SPAG16: variants seen among roughly 807,000 people sequenced by gnomAD.
The protein encoded by SPAG16 is sperm-associated antigen 16 protein.
A neutral mutation model predicts 80.4 loss-of-function variants in SPAG16; 86 were observed. The observed-to-expected ratio is 1.07, with a 90% CI of 0.90 to 1.28. The LOEUF (loss-of-function observed/expected upper bound fraction) is 1.28. Ranked by LOEUF, SPAG16 falls within the 50% of genes most tolerant of loss-of-function variation. The pLI is 0.00. For missense variants in SPAG16, 870 were observed against 765.3 expected (o/e 1.14, Z -1.61); for synonymous variants, 294 against 265.9 (o/e 1.11, Z -1.03).
At chr2:214,408,027 C>A (rs1302743425) in intron 15 of SPAG16, among the ~76,000 whole-genome samples, 1 of 152,110 alleles carries the variant, frequency 6.6e-6, no homozygotes, top group Non-Finnish European at 1.5e-5. Context: ...TGACCAAAAT[C>A]TGTTCTTGAA....
chr2:213,363,864 T>C (rs1208286422), intron 7 of SPAG16, among the ~76,000 whole-genome samples: 1 of 152,094 alleles, frequency 6.6e-6, no homozygotes, highest in Non-Finnish European at 1.5e-5. Context: ...TTACCTAAAA[T>C]AAGTAATTAA....
At chr2:213,378,519 G>A (rs1324926734) in intron 9 of SPAG16, among the ~76,000 whole-genome samples, 1 of 22,282 alleles carries the variant, frequency 4.5e-5, no homozygotes, top group East Asian at 1.6e-3. Context: ...AAATGTTGAT[G>A]TGAAGTCAGT....
At chr2:214,178,405 C>A (rs1426484548) in intron 15 of SPAG16, among the ~76,000 whole-genome samples, 1 of 151,132 alleles carries the variant, frequency 6.6e-6, no homozygotes, top group Non-Finnish European at 1.5e-5. Context: ...TGCTAATAAA[C>A]AGGTGGTTGA....
chr2:213,908,617 C>A (rs1553661741), intron 11 of SPAG16, among the ~76,000 whole-genome samples: 2 of 152,104 alleles, frequency 1.3e-5, no homozygotes, highest in Non-Finnish European at 2.9e-5. Context: ...GCTGTCCTCT[C>A]AGCTCCTTTT....
intron 15 of SPAG16, among the ~76,000 whole-genome samples, chr2:214,181,300 C>T (rs1172690861): frequency 6.6e-6 from 1 of 151,612 alleles, no homozygotes; most frequent in East Asian, 1.9e-4. Flanking sequence ...AAGAACTGAA[C>T]ATGATGTAAT....
intron 9 of SPAG16, among the ~76,000 whole-genome samples, chr2:213,458,534 T>C (rs1467985105): frequency 2.0e-4 from 31 of 152,180 alleles, no homozygotes; most frequent in Admixed American, 2.0e-3. Context: ...ATCGCGCCGC[T>C]GCACTCCAGC....
At chr2:213,717,223 A>G (rs1351623831) in intron 10 of SPAG16, among the ~76,000 whole-genome samples, 10 of 146,104 alleles carry the variant, frequency 6.8e-5, no homozygotes, top group Admixed American at 2.8e-4. Context: ...GGTGCCTGCC[A>G]TCTCAGCTCA....
intron 11 of SPAG16, among the ~76,000 whole-genome samples, chr2:213,906,637 T>C (rs2106148227): frequency 6.6e-6 from 1 of 152,200 alleles, no homozygotes; most frequent in African/African-American, 2.4e-5. Context: ...ATAGTAACAA[T>C]GACAGCTTGA....
At chr2:213,628,259 G>C (rs2062028414) in intron 10 of SPAG16, among the ~76,000 whole-genome samples, 1 of 152,136 alleles carries the variant, frequency 6.6e-6, no homozygotes, top group Non-Finnish European at 1.5e-5. Context: ...TGTTTTCCAA[G>C]ATGCACATGT....
In SPAG16 at chr2:213,968,742, A is replaced by C. The variant is rs555334059; in HGVS notation, c.1400+38597A>C. The stretch of plus-strand genomic sequence containing the variant: ...ACATTGGAATCATTTCTTGATTTCT[A>C]TGAATATCAGATTCAGTTTGTAAAA... On this transcript the variant is annotated intron_variant, in intron 12 of 15. Transcript: ENST00000331683. Among the ~76,000 whole-genome samples, 6 of 152,332 alleles carry C rather than the reference A, an allele frequency of 3.9e-5. No individual in the cohort carries two copies. The South Asian group carries it at 1.2e-3, about 32-fold the overall frequency.
chr2:214,022,463 A>C (rs1394638991), intron 13 of SPAG16, among the ~76,000 whole-genome samples: 1 of 152,194 alleles, frequency 6.6e-6, no homozygotes, highest in Non-Finnish European at 1.5e-5. Context: ...TACTTATCAC[A>C]TAAGGATAAA....
Position 213,403,136 on chromosome 2 carries a change from G to A in SPAG16, c.942+28017G>A, listed in dbSNP as rs558362264. 3.2e-3 allele frequency among the ~76,000 whole-genome samples: 480 copies of A among 152,140 alleles called. 2 individuals carry two copies. Among genetic ancestry groups the A allele is most frequent in the African/African-American group, 0.011 (455 of 41,482 alleles). On this transcript the variant is annotated intron_variant, in intron 9 of 15. Transcript: ENST00000331683. ...ATCGCCATTCTAACTGGTGTGAGAT[G>A]GTATCTCATTGTGGTTTTGATTTGC...
Position 213,330,962 on chromosome 2 carries a change from T to C in SPAG16, c.537-9201T>C, listed in dbSNP as rs186077129. ...CATGTAAGATGTGTTTGCTCCTCCT[T>C]GCCTTCCTCCATGATTGTGAGGCCT... On this transcript the variant is annotated intron_variant, in intron 5 of 15. Transcript: ENST00000331683. 2.0e-5 allele frequency among the ~76,000 whole-genome samples: 3 copies of C among 152,314 alleles called. No individual in the cohort carries two copies. In the East Asian group the frequency reaches 5.8e-4, roughly 29 times the overall value.
At chr2:213,804,024 C>T (rs2071584775) in intron 10 of SPAG16, among the ~76,000 whole-genome samples, 1 of 152,186 alleles carries the variant, frequency 6.6e-6, no homozygotes, top group Admixed American at 6.5e-5. Flanking sequence ...TTTCCAGCCT[C>T]TCCAACTCTT....
chr2:213,663,596 AT>A (rs1450566818), intron 10 of SPAG16, among the ~76,000 whole-genome samples: 1 of 152,076 alleles, frequency 6.6e-6, no homozygotes, highest in Non-Finnish European at 1.5e-5. Flanking sequence ...TAAAACATCC[AT>A]CCTGTTTGAT....
chr2:213,891,493 A>T (rs985933835), intron 11 of SPAG16, among the ~76,000 whole-genome samples: 1 of 152,134 alleles, frequency 6.6e-6, no homozygotes, highest in Admixed American at 6.6e-5. Context: ...AGATCATTGA[A>T]ATTCATATTT....
At chr2:213,748,392 A>T (rs887350761) in intron 10 of SPAG16, among the ~76,000 whole-genome samples, 6 of 152,116 alleles carry the variant, frequency 3.9e-5, no homozygotes, top group African/African-American at 1.4e-4. Context: ...TGTCTTTAAA[A>T]AGATATAAGT....
chr2:214,287,729 C>T (rs530177631), intron 15 of SPAG16, among the ~76,000 whole-genome samples: 2 of 152,270 alleles, frequency 1.3e-5, no homozygotes, highest in Admixed American at 1.3e-4. Context: ...GACTCATGTA[C>T]TTGAAAAATC....
chr2:213,408,712 A>T (rs1355407897), intron 9 of SPAG16, among the ~76,000 whole-genome samples: 1 of 152,196 alleles, frequency 6.6e-6, no homozygotes, highest in African/African-American at 2.4e-5. Flanking sequence ...ATTGATAGGG[A>T]AACTCTTGTA....
Sources: allele counts gnomAD v4.1 joint callset (sites outside exome capture counted in the v4.1 genomes callset), GRCh38; gene constraint gnomAD v4.1.1; transcripts MANE v1.5; gene names NCBI Gene and HGNC (gene_info 2026-07-23, HGNC 2026-07-21).